The following BCLAF3 variants were observed in gnomAD, a reference collection of about 807,000 sequenced individuals.
BCLAF3 encodes the protein BCLAF1 and THRAP3 family member 3, also known as transient octamer binding factor 1.
In BCLAF3, 24 loss-of-function variants were observed where a neutral mutation model predicts 51.2. The observed-to-expected ratio is 0.47, with a 90% CI of 0.34 to 0.66. The LOEUF is 0.66. Among genes scored for constraint, BCLAF3 ranks in the 30% least tolerant of loss-of-function variants. The pLI is 0.01. For synonymous variants in BCLAF3, 152 were observed against 176.6 expected (o/e 0.86, Z 1.10); for missense variants, 465 against 525.1 (o/e 0.89, Z 1.12).
chrX:19,937,773 C>A (rs1264343113), intron 8 of BCLAF3, among the ~76,000 whole-genome samples: 1 of 112,307 alleles, frequency 8.9e-6, no homozygotes, highest in East Asian at 2.8e-4. Context: ...ACTCCTTGAA[C>A]CAGGTTCTCA....
intron 1 of BCLAF3, among the ~76,000 whole-genome samples, chrX:19,984,708 G>A (rs765635685): frequency 7.4e-5 from 8 of 108,539 alleles, no homozygotes; most frequent in African/African-American, 2.4e-4. Context: ...TTTTTGAGAC[G>A]GAGTTTCACT....
rs1203953277 is a variant in BCLAF3 at position 19,991,023 on chromosome X, C to G, written c.-150G>C. Among the ~76,000 whole-genome samples, 2 of 108,797 alleles carry G rather than the reference C, an allele frequency of 1.8e-5. No homozygotes were observed. Among genetic ancestry groups the G allele is most frequent in the Non-Finnish European group, 3.9e-5 (2 of 51,802 alleles). 94.5% of individuals were successfully genotyped at this position (108,797 alleles called of 115,157 possible). On this transcript the variant is annotated 5_prime_UTR_variant, in exon 1 of 12. Coordinates refer to ENST00000379682, the MANE Select transcript of BCLAF3 (RefSeq NM_001367774.2). ...CTGCCGCCGCCTCCCACAGCAGCGA[C>G]ACCCCAGCCACCTCTGCCGGGCCGC...
At chrX:19,951,698 T>G (rs1318684392) in intron 7 of BCLAF3, among the ~76,000 whole-genome samples, 1 of 105,884 alleles carries the variant, frequency 9.4e-6, no homozygotes, top group Non-Finnish European at 1.9e-5. Context: ...GAGGCCGAGG[T>G]GGGTGGATCC....
chrX:19,922,366 A>G (rs982160048), intron 11 of BCLAF3, among the ~76,000 whole-genome samples: 9 of 111,815 alleles, frequency 8.0e-5, no homozygotes, highest in Non-Finnish European at 1.5e-4. Flanking sequence ...TTATATCTAT[A>G]AAAAGAAAAA....
intron 10 of BCLAF3, chrX:19,935,481 A>G (rs1281652972): frequency 5.3e-6 from 1 of 188,264 alleles, no homozygotes; most frequent in African/African-American, 3.0e-5. Flanking sequence ...CTTAGAGGTA[A>G]AGGTGCTGGC....
At chrX:19,986,820 T>C (rs1400487109) in intron 1 of BCLAF3, among the ~76,000 whole-genome samples, 4 of 101,728 alleles carry the variant, frequency 3.9e-5, no homozygotes, top group African/African-American at 1.4e-4. Flanking sequence ...TTTTTTCCCC[T>C]TGAGTCCAGG....
At chrX:19,953,582 G>A (rs2071564208) in intron 6 of BCLAF3, among the ~76,000 whole-genome samples, 196 bp downstream of exon 6, 1 of 112,150 alleles carries the variant, frequency 8.9e-6, no homozygotes, top group South Asian at 3.7e-4. Flanking sequence ...AATGTTTTCA[G>A]CGCATCCTAT....
At chrX:19,986,930 G>A (rs1342350429) in intron 1 of BCLAF3, among the ~76,000 whole-genome samples, 1 of 108,809 alleles carries the variant, frequency 9.2e-6, no homozygotes, top group African/African-American at 3.4e-5. Flanking sequence ...CAGTCTTTGA[G>A]TAGCTGGGAC....
chrX:19,973,601 C>G, intron 1 of BCLAF3, among the ~76,000 whole-genome samples: 1 of 111,479 alleles, frequency 9.0e-6, no homozygotes, highest in South Asian at 3.8e-4. Flanking sequence ...GGCCTTCCCT[C>G]GGTCAGCTTG....
intron 10 of BCLAF3, among the ~76,000 whole-genome samples, chrX:19,931,961 C>T (rs753409779): frequency 1.4e-4 from 16 of 112,120 alleles, no homozygotes; most frequent in Admixed American, 2.9e-4. Context: ...CTTATTCTTC[C>T]ATTTGCCTTA....
chrX:19,985,917 C>A (rs995542978), intron 1 of BCLAF3, among the ~76,000 whole-genome samples: 1 of 110,495 alleles, frequency 9.1e-6, no homozygotes, highest in African/African-American at 3.3e-5. Flanking sequence ...ACTGACTGCA[C>A]GTCAGTCTGA....
At chrX:19,927,659 T>G (rs994790781) in intron 11 of BCLAF3, among the ~76,000 whole-genome samples, 3 of 109,551 alleles carry the variant, frequency 2.7e-5, no homozygotes, top group African/African-American at 9.9e-5. Context: ...CTCATTTCGT[T>G]TTTTTCTCTT....
intron 8 of BCLAF3, among the ~76,000 whole-genome samples, chrX:19,940,640 T>A (rs2070989546): frequency 1.8e-5 from 2 of 109,547 alleles, no homozygotes; most frequent in Non-Finnish European, 3.8e-5. Flanking sequence ...ATGGTGTATA[T>A]GTGCCACATT....
chrX:19,924,223 G>A (rs1356820777), intron 11 of BCLAF3, among the ~76,000 whole-genome samples: 1 of 111,671 alleles, frequency 9.0e-6, no homozygotes, highest in Non-Finnish European at 1.9e-5. Flanking sequence ...ATCAACAGAG[G>A]TGATGGCTGA....
rs780664848 is a variant in BCLAF3 at position 19,917,320 on chromosome X, A to C, written c.2121T>G (p.Val707=). ...LMRKKKEYTD[V]ATGI ...CGATTTCAGATTAGATTCCTGTGGC[A>C]ACATCTGTATATTCCTATTGAGAGA... Residue 707 remains valine (V), a synonymous_variant, in exon 12 of 12, where the codon GTT becomes GTG. Coordinates refer to ENST00000379682, the MANE Select transcript of BCLAF3 (RefSeq NM_001367774.2). 8.3e-7 allele frequency: 1 copy of C among 1,201,283 alleles called. No homozygotes were observed. The highest frequency in any genetic ancestry group is 1.1e-6 in the Non-Finnish European group (1 of 887,096).
chrX:19,927,676 C>CT (rs573804229), intron 11 of BCLAF3, among the ~76,000 whole-genome samples: 1,073 of 102,893 alleles, frequency 0.01, 6 homozygotes, highest in Non-Finnish European at 0.013. Context: ...TCTTCCTGTT[C>CT]TTTTTTTTTT....
At chrX:19,964,912 TG>T (rs1466881466) in intron 4 of BCLAF3, 131 bp downstream of exon 4, 29 of 521,835 alleles carry the variant, frequency 5.6e-5, no homozygotes, top group Non-Finnish European at 7.8e-5. Flanking sequence ...GCTTTTTTTT[TG>T]GGGGGGAAAA....
intron 11 of BCLAF3, among the ~76,000 whole-genome samples, chrX:19,918,534 CTTTTTTTTTTTTT>C (rs749600263): frequency 3.6e-5 from 2 of 55,198 alleles, no homozygotes; most frequent in East Asian, 4.1e-4. Context: ...CCAACCCGGC[CTTTTTTTTTTTTT>C]TTTTTTTTTT....
At chrX:19,989,587 C>T (rs767488649) in intron 1 of BCLAF3, among the ~76,000 whole-genome samples, 2 of 112,339 alleles carry the variant, frequency 1.8e-5, no homozygotes, top group East Asian at 5.5e-4. Context: ...TATAATATTA[C>T]AGCCATATAA....
Sources: allele counts gnomAD v4.1 joint callset (sites outside exome capture counted in the v4.1 genomes callset), GRCh38; gene constraint gnomAD v4.1.1; transcripts MANE v1.5; gene names NCBI Gene and HGNC (gene_info 2026-07-23, HGNC 2026-07-21).